Variants in DCHS2 observed in about 807,000 individuals in gnomAD.
The protein encoded by DCHS2 is protocadherin-23.
In DCHS2, 142 loss-of-function variants were observed where a neutral mutation model predicts 182.4. The observed-to-expected ratio is 0.78, with a 90% confidence interval of 0.68 to 0.89. The LOEUF (loss-of-function observed/expected upper bound fraction) is 0.89, where lower values mean the gene tolerates loss of function less well. Among genes scored for constraint, DCHS2 ranks in the 40% least tolerant of loss-of-function variants. DCHS2 has a pLI of 0.00. For missense variants in DCHS2, 4,319 were observed against 4,198.6 expected (o/e 1.03, Z -0.79); for synonymous variants, 1,740 against 1,663.3 (o/e 1.05, Z -1.12).
Position 154,397,422 on chromosome 4 carries a change from T to C in DCHS2, c.2053-19978A>G, listed in dbSNP as rs1168397290. Among the ~76,000 whole-genome samples, 3 of 152,346 alleles carry C rather than the reference T, an allele frequency of 2.0e-5. No homozygotes were observed. The East Asian group carries it at 5.8e-4, about 29-fold the overall frequency. On this transcript the variant is annotated intron_variant, in intron 1 of 19. Coordinates refer to ENST00000357232, the MANE Select transcript of DCHS2 (RefSeq NM_001358235.2). ...TATTTGAAAAGAGAGCCCATTTGTATACCTGAAATTGACCCAATTTAGGAT... is the reference window on the plus strand; with the variant it reads ...TATTTGAAAAGAGAGCCCATTTGTACACCTGAAATTGACCCAATTTAGGAT...
chr4:154,437,470 C>T (rs1027767604), intron 1 of DCHS2, among the ~76,000 whole-genome samples: 5 of 152,312 alleles, frequency 3.3e-5, no homozygotes, highest in African/African-American at 9.6e-5. Flanking sequence ...CCCTAGATTA[C>T]TCCAAAATCA....
intron 17 of DCHS2, among the ~76,000 whole-genome samples, chr4:154,241,367 A>T (rs1381224508): frequency 6.6e-6 from 1 of 152,174 alleles, no homozygotes; most frequent in African/African-American, 2.4e-5. Flanking sequence ...CTGACTCTCA[A>T]AATTATTAAG....
intron 1 of DCHS2, among the ~76,000 whole-genome samples, chr4:154,412,541 T>C (rs112487318): frequency 3.9e-5 from 6 of 152,266 alleles, no homozygotes; most frequent in African/African-American, 1.4e-4. Context: ...ATCCATAATA[T>C]ACGCAAAACT....
chr4:154,406,650 T>C (rs1732414627), intron 1 of DCHS2, among the ~76,000 whole-genome samples: 1 of 152,228 alleles, frequency 6.6e-6, no homozygotes, highest in Non-Finnish European at 1.5e-5. Context: ...CCAGGAAAGT[T>C]TTTTGGAATC....
intron 4 of DCHS2, 141 bp downstream of exon 4, chr4:154,334,727 G>T: frequency 1.5e-6 from 1 of 664,798 alleles, no homozygotes; most frequent in Non-Finnish European, 2.6e-6. Flanking sequence ...AGAACAAAGA[G>T]CAAGCCACAG....
intron 3 of DCHS2, among the ~76,000 whole-genome samples, chr4:154,359,391 A>G (rs1317753245): frequency 6.6e-6 from 1 of 152,080 alleles, no homozygotes; most frequent in African/African-American, 2.4e-5. Flanking sequence ...AGAATAAAAT[A>G]TCCTGGAAAA....
intron 13 of DCHS2, among the ~76,000 whole-genome samples, chr4:154,274,213 A>G (rs896609518): frequency 2.0e-4 from 30 of 152,176 alleles, no homozygotes; most frequent in African/African-American, 7.0e-4. Context: ...AAAATTTTAT[A>G]TATTTATTTT....
At position 154,370,659 on chromosome 4, in the gene DCHS2, T is replaced by C. The variant is rs116173423; in HGVS notation, c.2245-4218A>G. Among the ~76,000 whole-genome samples the C allele has an allele frequency of 5.2e-3, 786 of 152,154 alleles. 5 individuals carry two copies. The highest frequency in any genetic ancestry group is 0.016 in the African/African-American group (680 of 41,526). ...AGCAGGGACATCTCTAAAAAGATAA[T>C]AGAAAAGAAAGCAAAGAATGTGAGC... is the stretch of plus-strand genomic sequence containing the variant. On this transcript the variant is annotated intron_variant, in intron 2 of 19. Coordinates refer to ENST00000357232, the MANE Select transcript of DCHS2 (RefSeq NM_001358235.2).
intron 3 of DCHS2, among the ~76,000 whole-genome samples, chr4:154,344,601 G>A (rs1729270441): frequency 1.3e-5 from 2 of 152,158 alleles, no homozygotes; most frequent in African/African-American, 2.4e-5. Context: ...ATAAGAAGGG[G>A]GTGATGAACA....
At chr4:154,407,961 C>T (rs946733170) in intron 1 of DCHS2, among the ~76,000 whole-genome samples, 1 of 152,098 alleles carries the variant, frequency 6.6e-6, no homozygotes, top group Non-Finnish European at 1.5e-5. Flanking sequence ...ACCCTCCCTG[C>T]TGCTCCTCCC....
intron 2 of DCHS2, among the ~76,000 whole-genome samples, chr4:154,369,648 C>A (rs902964851): frequency 6.6e-6 from 1 of 152,174 alleles, no homozygotes; most frequent in Non-Finnish European, 1.5e-5. Context: ...CTGCTAGATT[C>A]AGGAATAATT....
chr4:154,397,618 C>A (rs933626761), intron 1 of DCHS2, among the ~76,000 whole-genome samples: 4 of 152,132 alleles, frequency 2.6e-5, no homozygotes, highest in Non-Finnish European at 5.9e-5. Context: ...TTAGTGGGTA[C>A]CTTTTCCCTA....
chr4:154,424,650 T>C (rs1349357262), intron 1 of DCHS2, among the ~76,000 whole-genome samples: 1 of 152,206 alleles, frequency 6.6e-6, no homozygotes, highest in Non-Finnish European at 1.5e-5. Flanking sequence ...AAATGAACAC[T>C]GACACTGGAG....
chr4:154,328,705 C>T (rs1736392689), intron 6 of DCHS2, among the ~76,000 whole-genome samples: 1 of 152,110 alleles, frequency 6.6e-6, no homozygotes, highest in Admixed American at 6.5e-5. Context: ...AATTAAGCCA[C>T]AGGACATTTT....
chr4:154,433,942 T>C (rs1733669964), intron 1 of DCHS2, among the ~76,000 whole-genome samples: 1 of 151,898 alleles, frequency 6.6e-6, no homozygotes, highest in Non-Finnish European at 1.5e-5. Context: ...CCTTGACCAA[T>C]GCAGAAAGCA....
chr4:154,249,108 G>A (rs1335763268), intron 16 of DCHS2, among the ~76,000 whole-genome samples: 1 of 152,118 alleles, frequency 6.6e-6, no homozygotes, highest in Non-Finnish European at 1.5e-5. Context: ...AAACTAAAGA[G>A]CTTCTGCACA....
intron 1 of DCHS2, among the ~76,000 whole-genome samples, chr4:154,380,141 C>T (rs939250991): frequency 4.6e-5 from 7 of 152,160 alleles, no homozygotes; most frequent in African/African-American, 1.7e-4. Flanking sequence ...CATGATGAAA[C>T]TCCTACCAAT....
intron 3 of DCHS2, among the ~76,000 whole-genome samples, chr4:154,364,800 A>C (rs193233989): frequency 1.5e-3 from 230 of 152,318 alleles, no homozygotes; most frequent in African/African-American, 5.3e-3. Flanking sequence ...CCAATAAGAC[A>C]ATGTACAGAA....
At chr4:154,302,558 C>G (rs1735240613) in intron 12 of DCHS2, among the ~76,000 whole-genome samples, 2 of 152,070 alleles carry the variant, frequency 1.3e-5, no homozygotes. Flanking sequence ...ACCTTTTTAG[C>G]CGATTTCCTG....
Sources: gnomAD v4.1 joint callset for allele counts (sites outside exome capture counted in the v4.1 genomes callset) on GRCh38, gnomAD v4.1.1 for gene constraint, MANE v1.5 for transcripts, NCBI Gene and HGNC (gene_info 2026-07-23, HGNC 2026-07-21) for gene names.